The following UMAD1 variants were observed in gnomAD, a reference collection of about 807,000 sequenced individuals.
UMAD1 encodes UBAP1-MVB12-associated (UMA)-domain containing protein 1.
Under a neutral mutation model 6.1 loss-of-function variants are expected in UMAD1, and 8 were observed. The observed-to-expected ratio is 1.30, with a 90% CI of 0.76 to 2.35. The LOEUF (loss-of-function observed/expected upper bound fraction) is 2.35. Ranked by LOEUF, UMAD1 falls within the 30% of genes most tolerant of loss-of-function variation. UMAD1 has a pLI of 0.00. For missense variants in UMAD1, 130 were observed against 78.4 expected, an observed-to-expected ratio of 1.66 and a Z score of -2.49; for synonymous variants, 56 against 31.4, an observed-to-expected ratio of 1.78 and a Z score of -2.61.
At chr7:7,730,536 T>C (rs1307982235) in intron 2 of UMAD1, among the ~76,000 whole-genome samples, 1 of 152,226 alleles carries the variant, frequency 6.6e-6, no homozygotes, top group Non-Finnish European at 1.5e-5. Flanking sequence ...CCTAGTTCAT[T>C]CTTAATCTAG....
chr7:7,755,993 A>G (rs1295060947), intron 2 of UMAD1, among the ~76,000 whole-genome samples: 3 of 152,262 alleles, frequency 2.0e-5, no homozygotes, highest in African/African-American at 7.2e-5. Flanking sequence ...GTAAACAAGT[A>G]AACCACATTG....
chr7:7,791,010 C>T (rs553584915), intron 2 of UMAD1, among the ~76,000 whole-genome samples: 1 of 152,188 alleles, frequency 6.6e-6, no homozygotes, highest in Non-Finnish European at 1.5e-5. Context: ...CCTGTCTCAG[C>T]CCCCAAGTAG....
intron 2 of UMAD1, among the ~76,000 whole-genome samples, chr7:7,780,789 T>C (rs888634565): frequency 6.6e-6 from 1 of 152,240 alleles, no homozygotes; most frequent in Non-Finnish European, 1.5e-5. Context: ...TATTGTTCCA[T>C]GCACTTGTAG....
rs115319245 is a variant in UMAD1, at chr7:7,790,756, T to C, written c.83-10914T>C. ...AGCTGAATGACATGTGTGACATCTT[T>C]AATAAAACCAACCAGCTTCTGCATT... On this transcript the variant is annotated intron_variant, in intron 2 of 3. Transcript: ENST00000682710. Among the ~76,000 whole-genome samples, 989 of 152,358 alleles carry C rather than the reference T, an allele frequency of 6.5e-3. 9 individuals are homozygous for C. The highest frequency in any genetic ancestry group is 0.019 in the African/African-American group (794 of 41,582).
chr7:7,871,300 C>T (rs928362475), intron 3 of UMAD1, among the ~76,000 whole-genome samples: 1 of 152,058 alleles, frequency 6.6e-6, no homozygotes, highest in East Asian at 1.9e-4. Context: ...AATGCTGTAC[C>T]CTAAAATTGT....
At chr7:7,736,996 A>T (rs1394220482) in intron 2 of UMAD1, 2 of 152,332 alleles carry the variant, frequency 1.3e-5, no homozygotes, top group Non-Finnish European at 2.9e-5. Context: ...GCTTCTCCAG[A>T]AGCTGCCATG....
intron 2 of UMAD1, among the ~76,000 whole-genome samples, chr7:7,728,743 G>A (rs1781191357): frequency 6.6e-6 from 1 of 151,964 alleles, no homozygotes; most frequent in Non-Finnish European, 1.5e-5. Flanking sequence ...GGTATCTCTT[G>A]CTGCTATATG....
intron 2 of UMAD1, among the ~76,000 whole-genome samples, chr7:7,761,969 T>C (rs1225660592): frequency 1.3e-5 from 2 of 152,218 alleles, no homozygotes; most frequent in Non-Finnish European, 2.9e-5. Context: ...CAATAAATGT[T>C]TGTTTAATTG....
At chr7:7,674,961 A>G (rs2115110995) in intron 2 of UMAD1, among the ~76,000 whole-genome samples, 1 of 152,196 alleles carries the variant, frequency 6.6e-6, no homozygotes, top group South Asian at 2.1e-4. Context: ...TGAAGTCTTA[A>G]CACATATACA....
chr7:7,694,231 T>C (rs1252670236), intron 2 of UMAD1, among the ~76,000 whole-genome samples: 1 of 152,044 alleles, frequency 6.6e-6, no homozygotes, highest in Non-Finnish European at 1.5e-5. Flanking sequence ...TTGGTAACTT[T>C]TTATTTTTAA....
At chr7:7,858,348 A>T (rs4270868) in intron 3 of UMAD1, among the ~76,000 whole-genome samples, 2 of 152,188 alleles carry the variant, frequency 1.3e-5, no homozygotes, top group South Asian at 2.1e-4. Context: ...TAAATTATTT[A>T]GTTTCTTCAG....
intron 1 of UMAD1, among the ~76,000 whole-genome samples, chr7:7,660,363 T>C (rs1003169768): frequency 1.3e-5 from 2 of 152,256 alleles, no homozygotes; most frequent in African/African-American, 4.8e-5. Context: ...GCTGGTTATT[T>C]TTCCAGTTAG....
intron 1 of UMAD1, among the ~76,000 whole-genome samples, chr7:7,664,913 T>C (rs1023394493): frequency 1.3e-5 from 2 of 152,164 alleles, no homozygotes; most frequent in South Asian, 4.2e-4. Flanking sequence ...AGGAGGAAGG[T>C]TAAACATCGT....
intron 2 of UMAD1, among the ~76,000 whole-genome samples, chr7:7,768,639 A>G (rs35254822): frequency 0.07 from 10,723 of 152,212 alleles, 472 homozygotes; most frequent in African/African-American, 0.11. Context: ...GTGTTTATCA[A>G]TTAAACTCCT....
intron 3 of UMAD1, among the ~76,000 whole-genome samples, chr7:7,810,148 T>C (rs1782994418): frequency 6.6e-6 from 1 of 152,030 alleles, no homozygotes; most frequent in Non-Finnish European, 1.5e-5. Context: ...ATATAATAAG[T>C]ATATTAATTT....
chr7:7,852,102 T>G (rs1783926736), intron 3 of UMAD1, among the ~76,000 whole-genome samples: 1 of 152,216 alleles, frequency 6.6e-6, no homozygotes. Context: ...TATCCAGTTG[T>G]CCCAGCAATA....
intron 2 of UMAD1, chr7:7,742,424 G>A (rs1015388999): frequency 1.7e-6 from 1 of 571,708 alleles, no homozygotes; most frequent in Non-Finnish European, 3.4e-6. Flanking sequence ...GGTGGGTGAC[G>A]GGCAGATCTT....
intron 3 of UMAD1, among the ~76,000 whole-genome samples, chr7:7,813,632 A>G (rs1783068466): frequency 6.6e-6 from 1 of 152,220 alleles, no homozygotes; most frequent in African/African-American, 2.4e-5. Context: ...CTTTCTCACA[A>G]CTTTTTAGCT....
intron 2 of UMAD1, among the ~76,000 whole-genome samples, chr7:7,771,923 G>A (rs1782111469): frequency 6.6e-6 from 1 of 152,034 alleles, no homozygotes; most frequent in African/African-American, 2.4e-5. Flanking sequence ...GTTTAAAAAT[G>A]TGCATTAGAT....
Sources: gnomAD v4.1 joint callset for allele counts (sites outside exome capture counted in the v4.1 genomes callset) on GRCh38, gnomAD v4.1.1 for gene constraint, MANE v1.5 for transcripts, NCBI Gene and HGNC (gene_info 2026-07-23, HGNC 2026-07-21) for gene names.